RMC1: variants seen among roughly 807,000 people sequenced by gnomAD.
RMC1 encodes regulator of MON1-CCZ1 complex.
RMC1 carries 44 observed loss-of-function variants against 95.5 expected under a neutral mutation model. That is an observed-to-expected ratio of 0.46 (90% CI 0.36 to 0.59). RMC1 has a LOEUF of 0.59. RMC1 is among the 20% of genes least tolerant of loss of function. The pLI is 0.00. For synonymous variants in RMC1, 320 were observed against 303.6 expected (o/e 1.05, Z -0.56); for missense variants, 705 against 819.6 (o/e 0.86, Z 1.71).
At chr18:23,528,186 T>C (rs1217009638) in intron 14 of RMC1, 5 of 262,382 alleles carry the variant, frequency 1.9e-5, no homozygotes, top group South Asian at 1.9e-4. Context: ...TCTACTGTTA[T>C]AGATGAGAAA....
chr18:23,527,673 C>A, intron 13 of RMC1, 122 bp from the exon 14 acceptor site: 1 of 409,968 alleles, frequency 2.4e-6, no homozygotes, highest in Non-Finnish European at 4.1e-6. Context: ...AGTAGAGTGT[C>A]CTTTAAAGGT....
At chr18:23,524,941 CTTT>C (rs5823396) in intron 12 of RMC1, among the ~76,000 whole-genome samples, 72 of 69,202 alleles carry the variant, frequency 1.0e-3, no homozygotes, top group African/African-American at 4.0e-3. Flanking sequence ...TTAGAGAAAT[CTTT>C]TTTTTTTTTT....
chr18:23,507,128 T>G, intron 3 of RMC1, 74 bp downstream of exon 3: 5 of 1,076,654 alleles, frequency 4.6e-6, no homozygotes, highest in Non-Finnish European at 6.9e-6. Context: ...TCGCAAATTT[T>G]CAGTGTTAAA....
intron 10 of RMC1, chr18:23,523,053 A>G (rs980458299): frequency 8.5e-5 from 13 of 152,294 alleles, no homozygotes; most frequent in African/African-American, 2.9e-4. Context: ...CTCACCTGAC[A>G]GTGTGTAGGT....
At chr18:23,519,420 A>G (rs1161174511) in intron 9 of RMC1, among the ~76,000 whole-genome samples, 1 of 152,110 alleles carries the variant, frequency 6.6e-6, no homozygotes. Context: ...TGTGGGGCTA[A>G]GGCTGGAGGA....
intron 9 of RMC1, 117 bp downstream of exon 9, chr18:23,519,291 A>T: frequency 1.2e-6 from 1 of 843,030 alleles, no homozygotes. Context: ...GCCAAGGCGG[A>T]CAGATTGCTT....
At chr18:23,519,619 C>T (rs1652342) in intron 9 of RMC1, among the ~76,000 whole-genome samples, 113,982 of 152,178 alleles carry the variant, frequency 0.75, 43,813 homozygotes, top group East Asian at 0.92. Flanking sequence ...TTGGTAGTCT[C>T]AAGTAGTTTA....
chr18:23,511,653 CTT>C (rs879564586), intron 5 of RMC1, among the ~76,000 whole-genome samples: 8 of 141,010 alleles, frequency 5.7e-5, no homozygotes, highest in Non-Finnish European at 6.2e-5. Context: ...TTGCAGCTAG[CTT>C]TTTTTTTTTT....
intron 12 of RMC1, among the ~76,000 whole-genome samples, chr18:23,524,805 G>A (rs1652335): frequency 2.1e-4 from 32 of 151,944 alleles, no homozygotes; most frequent in East Asian, 9.7e-4. Flanking sequence ...TTCTCCCATC[G>A]ACCTTCCCAC....
intron 14 of RMC1, chr18:23,528,899 G>A (rs1490278792): frequency 7.1e-6 from 2 of 281,746 alleles, no homozygotes; most frequent in East Asian, 8.7e-5. Flanking sequence ...TTTTTTTTGA[G>A]ACGGAGTTTT....
chr18:23,506,744 C>T, intron 2 of RMC1: 1 of 411,696 alleles, frequency 2.4e-6, no homozygotes, highest in Non-Finnish European at 4.4e-6. Context: ...GATCTGAATT[C>T]TTCAATCACT....
chr18:23,523,995 T>G, intron 10 of RMC1, 135 bp from the exon 11 acceptor site: 1 of 982,968 alleles, frequency 1.0e-6, no homozygotes, highest in South Asian at 1.5e-5. Context: ...GACGGAACAG[T>G]TCATTTCTTC....
chr18:23,528,883 G>C (rs1042186422), intron 14 of RMC1: 5 of 295,244 alleles, frequency 1.7e-5, no homozygotes, highest in African/African-American at 4.5e-5. Context: ...GATCTGAACT[G>C]CTTTTTTTTT....
Position 23,530,623 on chromosome 18 carries a change from A to G in RMC1, c.1894+11A>G. 6.2e-7 allele frequency: 1 copy of G among 1,610,486 alleles called. No individual in the cohort carries two copies. The highest frequency in any genetic ancestry group is 8.5e-7 in the Non-Finnish European group (1 of 1,177,560). ...CCAATTTCACACCAGGTGAGAATGCAATGAAAAGACTTGGGGTAACCATAG... is the reference window on the plus strand; with the variant it reads ...CCAATTTCACACCAGGTGAGAATGCGATGAAAAGACTTGGGGTAACCATAG... On this transcript the variant is annotated intron_variant, in intron 19 of 19. Transcript: ENST00000269221.
chr18:23,523,559 A>AAAG (rs1555627815), intron 10 of RMC1, among the ~76,000 whole-genome samples: 2 of 149,930 alleles, frequency 1.3e-5, no homozygotes, highest in African/African-American at 4.9e-5. Flanking sequence ...AAAAAAAAAA[A>AAAG]AAAAAAAAAA....
chr18:23,528,093 C>T (rs1488197808), intron 14 of RMC1, 192 bp downstream of exon 14: 6 of 521,070 alleles, frequency 1.2e-5, no homozygotes, highest in African/African-American at 3.9e-5. Flanking sequence ...CTGCATCCCA[C>T]GAGCTGGCGG....
At chr18:23,517,104 C>A (rs1203737759) in intron 7 of RMC1, among the ~76,000 whole-genome samples, 1 of 151,476 alleles carries the variant, frequency 6.6e-6, no homozygotes, top group East Asian at 1.9e-4. Flanking sequence ...ATGTAACAGA[C>A]ATGGAACTAA....
intron 12 of RMC1, among the ~76,000 whole-genome samples, chr18:23,524,911 C>G (rs1459869317): frequency 1.5e-5 from 2 of 137,704 alleles, no homozygotes; most frequent in Non-Finnish European, 3.1e-5. Flanking sequence ...TTAATTGTCT[C>G]TTCCTGGGTA....
intron 10 of RMC1, 123 bp from the exon 11 acceptor site, chr18:23,524,007 T>A (rs891386): frequency 3.7e-6 from 4 of 1,092,742 alleles, no homozygotes; most frequent in Non-Finnish European, 5.5e-6. Flanking sequence ...CATTTCTTCC[T>A]TGACTACAAT....
Sources: allele counts gnomAD v4.1 joint callset (sites outside exome capture counted in the v4.1 genomes callset), GRCh38; gene constraint gnomAD v4.1.1; transcripts MANE v1.5; gene names NCBI Gene and HGNC (gene_info 2026-07-23, HGNC 2026-07-21).